Variants in BRD1 observed in about 807,000 individuals in gnomAD.
BRD1 encodes the protein bromodomain containing 1, also known as bromodomain-containing protein 1.
Under a neutral mutation model 107.7 loss-of-function variants are expected in BRD1, and 24 were observed. The observed-to-expected ratio is 0.22, with a 90% CI of 0.16 to 0.31. BRD1 has a LOEUF of 0.31. Ranked by LOEUF, BRD1 falls within the 10% of genes least tolerant of loss-of-function variation. The pLI is 1.00. For synonymous variants in BRD1, 744 were observed against 686.1 expected (o/e 1.08, Z -1.32); for missense variants, 1,279 against 1,638.6 (o/e 0.78, Z 3.79).
rs143603507 is a variant in BRD1 at position 49,796,730 on chromosome 22, G to A, written c.2098+1075C>T. Among the ~76,000 whole-genome samples, 423 of 152,348 alleles carry A rather than the reference G, an allele frequency of 2.8e-3. 1 individual carries two copies. The highest frequency in any genetic ancestry group is 5.6e-3 in the Admixed American group (86 of 15,308). ...GGTGCCGAGTGCTGCGGGACCCCAC[G>A]GGAAGCAGGGAGCCCAGCACTGCTG... On this transcript the variant is annotated intron_variant, in intron 6 of 12. Transcript: ENST00000404760.
intron 8 of BRD1, among the ~76,000 whole-genome samples, chr22:49,785,452 C>G (rs2059305031): frequency 6.6e-6 from 1 of 152,260 alleles, no homozygotes; most frequent in African/African-American, 2.4e-5. Flanking sequence ...CACAATTACA[C>G]TGACCCAACC....
intron 8 of BRD1, among the ~76,000 whole-genome samples, chr22:49,781,596 C>T (rs1191200927): frequency 6.6e-6 from 1 of 152,234 alleles, no homozygotes; most frequent in Non-Finnish European, 1.5e-5. Context: ...ACACGGGATA[C>T]AAGCCCGCCC....
chr22:49,819,268 AAAG>A (rs372670727), intron 2 of BRD1, among the ~76,000 whole-genome samples: 78 of 151,906 alleles, frequency 5.1e-4, no homozygotes, highest in South Asian at 3.1e-3. Flanking sequence ...TCAGGAAAAA[AAAG>A]AAGAACAGAA....
chr22:49,794,398 G>C, intron 6 of BRD1, 104 bp from the exon 7 acceptor site: 1 of 1,460,724 alleles, frequency 6.8e-7, no homozygotes, highest in Admixed American at 2.1e-5. Flanking sequence ...GGCCCTGAGA[G>C]TGGCTGTTAG....
intron 7 of BRD1, among the ~76,000 whole-genome samples, chr22:49,788,385 G>A (rs1177318555): frequency 6.6e-6 from 1 of 150,820 alleles, no homozygotes; most frequent in East Asian, 1.9e-4. Context: ...AAAAAAAACA[G>A]GGAGTGGTGA....
chr22:49,799,418 C>T (rs1400353517), intron 3 of BRD1, among the ~76,000 whole-genome samples: 2 of 152,050 alleles, frequency 1.3e-5, no homozygotes, highest in African/African-American at 4.8e-5. Context: ...CGCAAGCTGG[C>T]GGCGGGGGGG....
rs11433251 is a variant in BRD1, at chr22:49,787,307, C to CG, written c.2857+82_2857+83insC. On this transcript the variant is annotated intron_variant, in intron 8 of 12. Transcript: ENST00000404760. Reference sequence around the variant, plus strand: ...AAAAACAGAAGCTGGACACCCCCCCCCCCCCGTCACACCAATGATCCTGAA... The same window carrying CG: ...AAAAACAGAAGCTGGACACCCCCCCCGCCCCCGTCACACCAATGATCCTGAA... 3.5e-3 allele frequency: 3,677 copies of CG among 1,042,178 alleles called. 344 individuals are homozygous for CG. In the African/African-American group the frequency reaches 0.052, roughly 15 times the overall value. The allele number at this position is 1,042,178 out of a possible 1,614,324, so 64.6% of individuals were successfully genotyped here.
rs762234037 is a variant in BRD1 at position 49,798,633 on chromosome 22, C to G, written c.1710G>C (p.Leu570=). ...MELRLTPLTV[L]LRSVLDQLQD... ...GCAGCTGGTCCAGCACTGAGCGCAG[C>G]AGCACCGTCAGCGGGGTCAGCCGCA... Residue 570 remains leucine (L), a synonymous_variant, in exon 5 of 13, where the codon CTG becomes CTC. Transcript: ENST00000404760. 2 of 1,613,638 alleles carry G rather than the reference C, an allele frequency of 1.2e-6. No homozygotes were observed. The highest frequency in any genetic ancestry group is 4.5e-5 in the East Asian group (2 of 44,880).
At chr22:49,820,260 C>G (rs2060040276) in intron 2 of BRD1, among the ~76,000 whole-genome samples, 1 of 152,206 alleles carries the variant, frequency 6.6e-6, no homozygotes, top group African/African-American at 2.4e-5. Context: ...AAGGAAGATC[C>G]TCTTTCTCTA....
intron 6 of BRD1, among the ~76,000 whole-genome samples, chr22:49,797,295 A>C (rs2059552881): frequency 6.6e-6 from 1 of 152,244 alleles, no homozygotes. Flanking sequence ...CAAACCACGA[A>C]GTTAAAGGGC....
At position 49,787,461 on chromosome 22, in the gene BRD1, C is replaced by G. The variant is rs757708315; in HGVS notation, c.2786G>C (p.Arg929Thr). Residue 929 changes from arginine to threonine, a missense_variant, in exon 8 of 13, where the codon AGG becomes ACG. Physicochemically the swap from Arg to Thr is moderately conservative, Grantham distance 71. Coordinates refer to ENST00000404760, the MANE Select transcript of BRD1 (RefSeq NM_001304808.3). Reference sequence around the variant, plus strand: ...TCCGCATGTGCTCCGCGACCTTTTCCTTGGCTGCAGAAGAGTCTCCAACCT... The same window carrying G: ...TCCGCATGTGCTCCGCGACCTTTTCGTTGGCTGCAGAAGAGTCTCCAACCT... ...LPRLETLLQP[R>T]KRSRSTCGDS... The G allele has an allele frequency of 3.4e-5, 55 of 1,614,112 alleles. 1 individual carries two copies. The East Asian group carries it at 1.2e-3, about 35-fold the overall frequency.
chr22:49,799,678 A>G (rs929488736), intron 3 of BRD1, among the ~76,000 whole-genome samples: 1 of 152,248 alleles, frequency 6.6e-6, no homozygotes, highest in East Asian at 1.9e-4. Context: ...CCAGGGTCCC[A>G]TTTCCATTGA....
Position 49,793,104 on chromosome 22 carries a change from G to C in BRD1, c.2359+930C>G, listed in dbSNP as rs9628137. Among the ~76,000 whole-genome samples the C allele has an allele frequency of 5.0e-3, 765 of 152,346 alleles. 4 individuals are homozygous for C. Among genetic ancestry groups the C allele is most frequent in the African/African-American group, 0.018 (737 of 41,566 alleles). ...GAACCAGCTGCCAATGTTGTGGCAAGAGGGTCTGACCCTACTGTCTGCTTC... is the reference window on the plus strand; with the variant it reads ...GAACCAGCTGCCAATGTTGTGGCAACAGGGTCTGACCCTACTGTCTGCTTC... On this transcript the variant is annotated intron_variant, in intron 7 of 12. Coordinates refer to ENST00000404760, the MANE Select transcript of BRD1 (RefSeq NM_001304808.3).
chr22:49,807,579 T>C (rs1052970111), intron 2 of BRD1, among the ~76,000 whole-genome samples: 1 of 152,326 alleles, frequency 6.6e-6, no homozygotes, highest in Admixed American at 6.5e-5. Context: ...GAATGTGAAG[T>C]TGGACCTTGC....
At chr22:49,802,811 T>A (rs1252045355) in intron 3 of BRD1, among the ~76,000 whole-genome samples, 1 of 152,238 alleles carries the variant, frequency 6.6e-6, no homozygotes, top group Non-Finnish European at 1.5e-5. Context: ...CCCTGGAGGC[T>A]ACGAGGTGAG....
In BRD1 at chr22:49,775,647, C is replaced by G; in HGVS notation, c.3330G>C (p.Gln1110His). The G allele has an allele frequency of 2.5e-6, 4 of 1,613,814 alleles. No individual in the cohort carries two copies. The highest frequency in any genetic ancestry group is 3.4e-6 in the Non-Finnish European group (4 of 1,179,846). The change falls in exon 12 of 13, where the codon CAG becomes CAC. Residue 1110 changes from glutamine to histidine, a missense_variant. This residue lies in a region of BRD1 where 136 missense variants were observed against 196.8 expected (regional missense o/e 0.69). Coordinates refer to ENST00000404760, the MANE Select transcript of BRD1 (RefSeq NM_001304808.3). ...LDVLKIGEHM[Q>H]TKSDEKLFLV... ...GGAACAGCTTCTCATCAGACTTGGT[C>G]TGCATGTGCTCCCCAATCTTCAGCA...
intron 11 of BRD1, 90 bp from the exon 12 acceptor site, chr22:49,775,835 C>CCCCCCCCCCTT: frequency 7.4e-7 from 1 of 1,344,864 alleles, no homozygotes; most frequent in East Asian, 2.6e-5. Context: ...GCCTCCCCAC[C>CCCCCCCCCCTT]CCAGCTGTGT....
rs115776209 is a variant in BRD1 at position 49,813,893 on chromosome 22, A to G, written c.1367+9058T>C. On this transcript the variant is annotated intron_variant, in intron 2 of 12. Coordinates refer to ENST00000404760, the MANE Select transcript of BRD1 (RefSeq NM_001304808.3). ...ACAGGGAGCAGCTTTACGGCTGCAG[A>G]GTGGGGACGAGTTTCTTCAAGCAGA... Among the ~76,000 whole-genome samples the G allele has an allele frequency of 4.6e-3, 695 of 152,176 alleles. 4 individuals carry two copies. Among genetic ancestry groups the G allele is most frequent in the African/African-American group, 0.016 (658 of 41,516 alleles).
rs560082701 is a variant in BRD1, at chr22:49,778,806, C to T, written c.2858-993G>A. Among the ~76,000 whole-genome samples the T allele has an allele frequency of 3.9e-5, 6 of 152,124 alleles. No individual in the cohort carries two copies. The South Asian group carries it at 6.2e-4, about 16-fold the overall frequency. ...CCTCCCGAGTAGCTGGGACTACAGG[C>T]GCCCGCCACCATGCCTGGCTAATTT... On this transcript the variant is annotated intron_variant, in intron 8 of 12. Transcript: ENST00000404760.
Sources: allele counts gnomAD v4.1 joint callset (sites outside exome capture counted in the v4.1 genomes callset), GRCh38; gene constraint gnomAD v4.1.1; regional missense constraint gnomAD v4.1.1; transcripts MANE v1.5; gene names NCBI Gene and HGNC (gene_info 2026-07-23, HGNC 2026-07-21).